ZNF804B: variants seen among roughly 807,000 people sequenced by gnomAD.
ZNF804B encodes the protein zinc finger protein 804B, also known as zinc finger 804B.
ZNF804B carries 80 observed loss-of-function variants against 101.4 expected under a neutral mutation model. The observed-to-expected ratio is 0.79, with a 90% CI of 0.66 to 0.95. The LOEUF (loss-of-function observed/expected upper bound fraction) is 0.95. Ranked by LOEUF, ZNF804B falls within the 40% of genes least tolerant of loss-of-function variation. The pLI is 0.00. For missense variants in ZNF804B, 1,673 were observed against 1,561.9 expected (o/e 1.07, Z -1.20); for synonymous variants, 622 against 558.8 (o/e 1.11, Z -1.59).
At position 89,334,363 on chromosome 7, in the gene ZNF804B, C is replaced by A. The variant is rs769833252; in HGVS notation, c.1381C>A (p.Leu461Ile). 6.2e-7 allele frequency: 1 copy of A among 1,613,822 alleles called. No individual in the cohort carries two copies. The highest frequency in any genetic ancestry group is 1.1e-5 in the South Asian group (1 of 91,082). ...CACCACTCTTCAATGGCCTACGGAA[C>A]TTCTGCTCTTTACAAAAACAGAACC... is the stretch of plus-strand genomic sequence containing the variant. The part of the protein sequence containing the change: ...GHTTLQWPTE[L>I]LLFTKTEPCI... Residue 461 changes from leucine (L) to isoleucine (I), a missense_variant, in exon 4 of 4, where the codon CTT becomes ATT. Leu to Ile is a conservative substitution (Grantham distance 5, BLOSUM62 2). Transcript: ENST00000333190.
At chr7:89,190,110 C>T (rs373986791) in intron 1 of ZNF804B, among the ~76,000 whole-genome samples, 2 of 152,072 alleles carry the variant, frequency 1.3e-5, no homozygotes, top group South Asian at 4.2e-4. Context: ...GAGGAAATCA[C>T]TGCAGATATG....
At chr7:89,199,530 A>G (rs373289689) in intron 1 of ZNF804B, among the ~76,000 whole-genome samples, 74 of 152,004 alleles carry the variant, frequency 4.9e-4, no homozygotes, top group African/African-American at 1.8e-3. Flanking sequence ...TCTATAATCA[A>G]TATATTGGCC....
At chr7:89,055,530 A>G (rs1789277881) in intron 1 of ZNF804B, among the ~76,000 whole-genome samples, 1 of 152,032 alleles carries the variant, frequency 6.6e-6, no homozygotes, top group African/African-American at 2.4e-5. Context: ...ATGGGATGGA[A>G]GGTTAATCAC....
At chr7:89,101,643 G>T (rs560895688) in intron 1 of ZNF804B, among the ~76,000 whole-genome samples, 18 of 151,878 alleles carry the variant, frequency 1.2e-4, no homozygotes, top group African/African-American at 4.1e-4. Flanking sequence ...TGATGTAAAG[G>T]TAATGTAAAA....
chr7:88,981,782 A>G (rs1344562703), intron 1 of ZNF804B, among the ~76,000 whole-genome samples: 3 of 151,934 alleles, frequency 2.0e-5, no homozygotes, highest in Non-Finnish European at 1.5e-5. Flanking sequence ...ACTCTAATGC[A>G]AAGTCCCAAG....
chr7:89,023,384 T>G (rs547136508), intron 1 of ZNF804B, among the ~76,000 whole-genome samples: 82 of 152,324 alleles, frequency 5.4e-4, no homozygotes, highest in African/African-American at 1.9e-3. Context: ...CTGGCCAGTA[T>G]GACTTGACAC....
intron 1 of ZNF804B, among the ~76,000 whole-genome samples, chr7:88,912,146 T>G (rs1310452789): frequency 6.6e-6 from 1 of 152,038 alleles, no homozygotes; most frequent in Non-Finnish European, 1.5e-5. Flanking sequence ...ATCAGAAATA[T>G]ATGAGAGTTC....
chr7:88,825,985 ATCT>A (rs1458814437), intron 1 of ZNF804B, among the ~76,000 whole-genome samples: 19 of 152,182 alleles, frequency 1.2e-4, no homozygotes, highest in African/African-American at 4.6e-4. Flanking sequence ...AAACCAGCAA[ATCT>A]TCTGTGAATA....
chr7:88,857,652 A>G (rs1307139975), intron 1 of ZNF804B, among the ~76,000 whole-genome samples: 5 of 152,052 alleles, frequency 3.3e-5, no homozygotes, highest in Non-Finnish European at 7.4e-5. Flanking sequence ...GTCCAGGACC[A>G]GATGGATTCA....
At position 89,336,931 on chromosome 7, in the gene ZNF804B, G is replaced by C. The variant is rs1332284020; in HGVS notation, c.3949G>C (p.Val1317Leu). Residue 1317 changes from valine to leucine, a missense_variant, in exon 4 of 4, where the codon GTA becomes CTA. Val to Leu is a conservative substitution (Grantham distance 32, BLOSUM62 1). Coordinates refer to ENST00000333190, the MANE Select transcript of ZNF804B (RefSeq NM_181646.5). ...IIHLNPLIQP[V>L]FQGQDFCHHS... ...CCACTTGAATCCTTTAATCCAACCA[G>C]TATTCCAAGGTCAAGATTTTTGCCA... 6.2e-7 allele frequency: 1 copy of C among 1,613,998 alleles called. No individual in the cohort carries two copies. Among genetic ancestry groups the C allele is most frequent in the South Asian group, 1.1e-5 (1 of 91,074 alleles).
At position 88,884,192 on chromosome 7, in the gene ZNF804B, G is replaced by A. The variant is rs575446654; in HGVS notation, c.108+124108G>A. Among the ~76,000 whole-genome samples, 23 of 151,184 alleles carry A rather than the reference G, an allele frequency of 1.5e-4. 1 individual carries two copies. In the East Asian group the frequency reaches 2.5e-3, roughly 17 times the overall value. On this transcript the variant is annotated intron_variant, in intron 1 of 3. Transcript: ENST00000333190. ...CTCCTTAAAAAATAAGGAGAGCAAA[G>A]TAAATATATTGATAAATGTTATTAA...
intron 1 of ZNF804B, among the ~76,000 whole-genome samples, chr7:88,881,510 A>C (rs1707476540): frequency 6.6e-6 from 1 of 152,150 alleles, no homozygotes; most frequent in Non-Finnish European, 1.5e-5. Context: ...GTTCTATTTT[A>C]CTGCTTCATA....
intron 2 of ZNF804B, among the ~76,000 whole-genome samples, chr7:89,282,017 C>T (rs567176249): frequency 1.1e-3 from 168 of 151,550 alleles, no homozygotes; most frequent in African/African-American, 3.6e-3. Context: ...CCGGCTAAAA[C>T]GGTGAAACCC....
intron 1 of ZNF804B, among the ~76,000 whole-genome samples, chr7:88,970,535 G>GATTTTACTGAT (rs1793519525): frequency 1.3e-5 from 2 of 151,364 alleles, no homozygotes; most frequent in Non-Finnish European, 3.0e-5. Context: ...AATCAAAGCA[G>GATTTTACTGAT]ATTTTACTGA....
intron 1 of ZNF804B, among the ~76,000 whole-genome samples, chr7:88,991,818 C>T (rs915081561): frequency 6.6e-6 from 1 of 152,140 alleles, no homozygotes; most frequent in Non-Finnish European, 1.5e-5. Flanking sequence ...CAACATTTCA[C>T]ATTATGAGGC....
intron 1 of ZNF804B, among the ~76,000 whole-genome samples, chr7:88,901,434 A>G (rs76100979): frequency 6.6e-6 from 1 of 151,900 alleles, no homozygotes; most frequent in African/African-American, 2.4e-5. Flanking sequence ...TTCTTATTCC[A>G]TGAAACGTCC....
intron 1 of ZNF804B, among the ~76,000 whole-genome samples, chr7:88,779,293 T>C (rs1015708145): frequency 2.0e-5 from 3 of 152,226 alleles, no homozygotes; most frequent in African/African-American, 7.2e-5. Flanking sequence ...CATGAATTTT[T>C]TGTGCCCATT....
chr7:89,172,481 T>C (rs989994483), intron 1 of ZNF804B, among the ~76,000 whole-genome samples: 4 of 152,168 alleles, frequency 2.6e-5, no homozygotes, highest in Non-Finnish European at 4.4e-5. Context: ...TACTCCTTGT[T>C]GATTCTTCTC....
At chr7:88,889,141 A>G (rs1479835904) in intron 1 of ZNF804B, among the ~76,000 whole-genome samples, 1 of 152,142 alleles carries the variant, frequency 6.6e-6, no homozygotes, top group Non-Finnish European at 1.5e-5. Context: ...ATGACTACAT[A>G]GTATTCTTCC....
Sources: allele counts gnomAD v4.1 joint callset (sites outside exome capture counted in the v4.1 genomes callset), GRCh38; gene constraint gnomAD v4.1.1; transcripts MANE v1.5; gene names NCBI Gene and HGNC (gene_info 2026-07-23, HGNC 2026-07-21).